RORB: variants seen among roughly 807,000 people sequenced by gnomAD.
RORB encodes RAR related orphan receptor B, also known as nuclear receptor ROR-beta.
In RORB, 6 loss-of-function variants were observed where a neutral mutation model predicts 59.1. The ratio of observed to expected loss-of-function variants is 0.10; its 90% CI spans 0.06 to 0.20. The LOEUF (loss-of-function observed/expected upper bound fraction) is 0.20, where lower values mean the gene tolerates loss of function less well. Ranked by LOEUF, RORB falls within the 10% of genes least tolerant of loss-of-function variation. The pLI is 1.00. For synonymous variants in RORB, 215 were observed against 204.5 expected (o/e 1.05, Z -0.44); for missense variants, 320 against 560.5 (o/e 0.57, Z 4.33).
chr9:74,673,509 A>G (rs971540964), intron 9 of RORB, among the ~76,000 whole-genome samples: 31 of 152,124 alleles, frequency 2.0e-4, no homozygotes, highest in African/African-American at 7.5e-4. Flanking sequence ...TGAGATTCTA[A>G]CACGTTGTGA....
At chr9:74,527,105 G>A (rs141829886) in intron 1 of RORB, among the ~76,000 whole-genome samples, 77 of 152,042 alleles carry the variant, frequency 5.1e-4, no homozygotes, top group East Asian at 4.1e-3. Flanking sequence ...TTTAGAAACC[G>A]TAAGCATGAG....
At chr9:74,669,415 G>A (rs2118538051) in intron 8 of RORB, among the ~76,000 whole-genome samples, 1 of 150,810 alleles carries the variant, frequency 6.6e-6, no homozygotes, top group Admixed American at 6.6e-5. Flanking sequence ...GGAGGCAGAG[G>A]TTGCAGTGAG....
chr9:74,594,361 G>A (rs1822942571), intron 1 of RORB, among the ~76,000 whole-genome samples: 1 of 152,092 alleles, frequency 6.6e-6, no homozygotes, highest in African/African-American at 2.4e-5. Flanking sequence ...TCAGGTCCTC[G>A]ATGGTTATTT....
At chr9:74,633,126 A>C (rs935784942) in intron 2 of RORB, among the ~76,000 whole-genome samples, 24 of 152,226 alleles carry the variant, frequency 1.6e-4, no homozygotes, top group African/African-American at 5.8e-4. Flanking sequence ...ATTGGAGCTG[A>C]AGACAAAAGG....
chr9:74,687,711 G>T lies in RORB; in HGVS notation c.*2093G>T, dbSNP rs1179074634. ...TAAATGTCACTCCTGCTAGCTCTTT[G>T]TATAAAGAATTAATTCCCAGAGTCA... On this transcript the variant is annotated 3_prime_UTR_variant, in exon 10 of 10. Coordinates refer to ENST00000376896, the MANE Select transcript of RORB (RefSeq NM_006914.4). 6.6e-6 allele frequency: 1 copy of T among 152,118 alleles called. No homozygotes were observed. Among genetic ancestry groups the T allele is most frequent in the East Asian group, 1.9e-4 (1 of 5,190 alleles). The allele number at this position is 152,118 out of a possible 1,614,324, so 9.4% of individuals were successfully genotyped here. A position where few individuals can be genotyped will look rare whatever the true frequency, so the allele number is the denominator to read the frequency against.
In RORB at chr9:74,665,714, G is replaced by A. The variant is rs528003685; in HGVS notation, c.1000+119G>A. 42 of 657,710 alleles carry A rather than the reference G, an allele frequency of 6.4e-5. No homozygotes were observed. The East Asian group carries it at 8.2e-4, about 13-fold the overall frequency. 40.7% of individuals were successfully genotyped at this position (657,710 alleles called of 1,614,324 possible). ...GATGTGAACCAGTATCTCATTATTC[G>A]ATAAGCGATGGACCAGGTGAGCTTC... On this transcript the variant is annotated intron_variant, in intron 7 of 9. Coordinates refer to ENST00000376896, the MANE Select transcript of RORB (RefSeq NM_006914.4).
At chr9:74,557,570 C>T (rs4745342) in intron 1 of RORB, among the ~76,000 whole-genome samples, 22,195 of 152,090 alleles carry the variant, frequency 0.15, 1,670 homozygotes, top group Admixed American at 0.21. Flanking sequence ...ACCTCATGCA[C>T]ACTAATATAA....
chr9:74,650,240 C>A lies in RORB; in HGVS notation c.637+7425C>A, dbSNP rs1202161913. On this transcript the variant is annotated intron_variant, in intron 4 of 9. Transcript: ENST00000376896. ...AATAGTATTTCAAGACATTATACTG[C>A]AGAGAAGCCATACGTTTAAGGCATT... Among the ~76,000 whole-genome samples the A allele has an allele frequency of 3.9e-5, 6 of 152,180 alleles. 1 individual carries two copies. The highest frequency in any genetic ancestry group is 1.5e-5 in the Non-Finnish European group (1 of 68,034).
At chr9:74,537,808 T>C (rs1260593236) in intron 1 of RORB, among the ~76,000 whole-genome samples, 6 of 152,092 alleles carry the variant, frequency 3.9e-5, no homozygotes, top group Non-Finnish European at 5.9e-5. Context: ...AAAATACCTA[T>C]CTCCTAGTTA....
intron 1 of RORB, chr9:74,498,308 G>C (rs1308366860): frequency 4.9e-6 from 2 of 408,832 alleles, no homozygotes; most frequent in Non-Finnish European, 8.9e-6. Context: ...ACGCGGGATG[G>C]AGAAAGCCGA....
At chr9:74,678,890 G>A (rs1229856537) in intron 9 of RORB, among the ~76,000 whole-genome samples, 1 of 151,690 alleles carries the variant, frequency 6.6e-6, no homozygotes, top group Non-Finnish European at 1.5e-5. Context: ...AAATTGTCCC[G>A]GCATGGTGGC....
chr9:74,629,280 T>A (rs1352479336), intron 1 of RORB, among the ~76,000 whole-genome samples: 4 of 151,246 alleles, frequency 2.6e-5, no homozygotes, highest in African/African-American at 9.7e-5. Context: ...CTCACCTTTC[T>A]AAGGTGAGTT....
chr9:74,559,460 AC>A (rs1024400418), intron 1 of RORB, among the ~76,000 whole-genome samples: 2 of 152,022 alleles, frequency 1.3e-5, no homozygotes, highest in African/African-American at 4.8e-5. Context: ...GACCCATGAA[AC>A]CCATTTCATA....
At chr9:74,617,089 T>G (rs10120406) in intron 1 of RORB, among the ~76,000 whole-genome samples, 1 of 52,164 alleles carries the variant, frequency 1.9e-5, no homozygotes, top group Non-Finnish European at 4.6e-5. Flanking sequence ...CACCACCCGC[T>G]CCCCCCGCAA....
At chr9:74,666,433 C>G (rs1248864433) in intron 7 of RORB, among the ~76,000 whole-genome samples, 2 of 151,510 alleles carry the variant, frequency 1.3e-5, no homozygotes, top group Non-Finnish European at 2.9e-5. Context: ...TGCACTACAG[C>G]CTGGGTGACA....
Position 74,688,528 on chromosome 9 carries a change from A to G in RORB, c.*2910A>G, listed in dbSNP as rs967562217. 10 of 152,132 alleles carry G rather than the reference A, an allele frequency of 6.6e-5. No individual in the cohort carries two copies. Among genetic ancestry groups the G allele is most frequent in the African/African-American group, 1.7e-4 (7 of 41,422 alleles). The allele number at this position is 152,132 out of a possible 1,614,324, so 9.4% of individuals were successfully genotyped here. ...GGGCTTCTCACTTCGTGCTTCATAA[A>G]TGACAATCACTGCTTGATGCAGATG... On this transcript the variant is annotated 3_prime_UTR_variant, in exon 10 of 10. Transcript: ENST00000376896.
intron 1 of RORB, among the ~76,000 whole-genome samples, chr9:74,554,129 T>C (rs1286566459): frequency 1.3e-5 from 2 of 152,156 alleles, no homozygotes; most frequent in African/African-American, 4.8e-5. Context: ...CACACTTAAG[T>C]TTGACAACCA....
At chr9:74,642,236 C>T (rs1823820032) in intron 3 of RORB, among the ~76,000 whole-genome samples, 178 bp from the exon 4 acceptor site, 1 of 152,176 alleles carries the variant, frequency 6.6e-6, no homozygotes, top group African/African-American at 2.4e-5. Flanking sequence ...GACAGGTACC[C>T]TCTGAATATA....
intron 2 of RORB, among the ~76,000 whole-genome samples, chr9:74,633,305 C>T (rs1454892160): frequency 6.6e-6 from 1 of 152,170 alleles, no homozygotes; most frequent in Non-Finnish European, 1.5e-5. Context: ...TAGCCCTGGC[C>T]CTGCTTGTTC....
Sources: gnomAD v4.1 joint callset for allele counts (sites outside exome capture counted in the v4.1 genomes callset) on GRCh38, gnomAD v4.1.1 for gene constraint, MANE v1.5 for transcripts, NCBI Gene and HGNC (gene_info 2026-07-23, HGNC 2026-07-21) for gene names.